Variants in MAGEA11 observed in about 807,000 individuals in gnomAD.
MAGEA11 encodes MAGE family member A11.
MAGEA11 carries 1 observed loss-of-function variant against 8.4 expected under a neutral mutation model. The observed-to-expected ratio is 0.12, with a 90% CI of 0.04 to 0.57. MAGEA11 has a LOEUF of 0.57. Among genes scored for constraint, MAGEA11 ranks in the 20% least tolerant of loss-of-function variants. MAGEA11 has a pLI of 0.91. For synonymous variants in MAGEA11, 127 were observed against 119.3 expected (o/e 1.06, Z -0.42); for missense variants, 209 against 317.3 (o/e 0.66, Z 2.59).
chrX:149,714,368 A>T, intron 2 of MAGEA11, 113 bp from the exon 3 acceptor site: 1 of 1,062,845 alleles, frequency 9.4e-7, no homozygotes, highest in South Asian at 2.5e-5. Flanking sequence ...CCACAGGAGG[A>T]CTTTGGAATC....
rs782755660 is a variant in MAGEA11 at position 149,715,931 on chromosome X, G to T, written c.445G>T (p.Ala149Ser). ...QALQAEEQEA[A>S]FFSSTLNVGT... Reference sequence around the variant, plus strand: ...TCTCCAAGCTGAGGAGCAGGAGGCTGCCTTCTTCTCCTCTACTCTGAATGT... The same window carrying T: ...TCTCCAAGCTGAGGAGCAGGAGGCTTCCTTCTTCTCCTCTACTCTGAATGT... The change falls in exon 5 of 5, where the codon GCC becomes TCC. Residue 149 changes from alanine (A) to serine (S), a missense_variant. Ala to Ser is a moderately conservative substitution (Grantham distance 99). This residue lies in a region of MAGEA11 where 131 missense variants were observed against 138.5 expected (regional missense o/e 0.95). Coordinates refer to ENST00000355220, the MANE Select transcript of MAGEA11 (RefSeq NM_005366.5). The T allele has an allele frequency of 2.5e-6, 3 of 1,211,729 alleles. No homozygotes were observed. Among genetic ancestry groups the T allele is most frequent in the Admixed American group, 2.2e-5 (1 of 46,063 alleles).
intron 1 of MAGEA11, among the ~76,000 whole-genome samples, chrX:149,712,631 A>C (rs1240357664): frequency 2.7e-4 from 30 of 112,154 alleles, no homozygotes; most frequent in African/African-American, 4.8e-4. Flanking sequence ...GATGCTCCCT[A>C]CCCAGATAGA....
intron 1 of MAGEA11, among the ~76,000 whole-genome samples, chrX:149,698,806 C>T (rs2124284614): frequency 9.1e-6 from 1 of 110,476 alleles, no homozygotes; most frequent in African/African-American, 3.3e-5. Context: ...GTATGTTGTT[C>T]CCCTCCCTGT....
chrX:149,696,997 G>A (rs1399704598), intron 1 of MAGEA11, among the ~76,000 whole-genome samples: 1 of 111,576 alleles, frequency 9.0e-6, no homozygotes, highest in East Asian at 2.8e-4. Flanking sequence ...TCACTATCTT[G>A]TTGTCCTCTA....
Position 149,716,784 on chromosome X carries a change from A to G in MAGEA11, c.*8A>G. On this transcript the variant is annotated 3_prime_UTR_variant, in exon 5 of 5. Coordinates refer to ENST00000355220, the MANE Select transcript of MAGEA11 (RefSeq NM_005366.5). ...GAGGGAGAGGGAGTCTGAGCATGAG[A>G]TGCAACCAGGGCCAGCGGGCAGGGA... 1 of 1,182,191 alleles carries G rather than the reference A, an allele frequency of 8.5e-7. No homozygotes were observed. The highest frequency in any genetic ancestry group is 1.1e-6 in the Non-Finnish European group (1 of 879,658).
chrX:149,710,193 T>C (rs1157190259), upstream of MAGEA11, among the ~76,000 whole-genome samples: 1 of 111,689 alleles, frequency 9.0e-6, no homozygotes, highest in Non-Finnish European at 1.9e-5. Context: ...CCATTCACAA[T>C]AGCAACAATA....
At chrX:149,688,750 A>G (rs1405094634), upstream of MAGEA11, 3 of 255,224 alleles carry the variant, frequency 1.2e-5, no homozygotes, top group Admixed American at 5.4e-5. Flanking sequence ...CCTACATTAA[A>G]ATTTCCCCAT....
chrX:149,710,560 C>A (rs1557361827), upstream of MAGEA11, among the ~76,000 whole-genome samples: 1 of 111,527 alleles, frequency 9.0e-6, no homozygotes, highest in Non-Finnish European at 1.9e-5. Flanking sequence ...GTGATCCTCC[C>A]ACCTTAGCCT....
chrX:149,689,533 C>T (rs144097535), intron 1 of MAGEA11, among the ~76,000 whole-genome samples: 1,223 of 112,324 alleles, frequency 0.011, 26 homozygotes, highest in African/African-American at 0.038. Flanking sequence ...GCACTCTAGT[C>T]CCAGAGTCCT....
chrX:149,706,948 G>C (rs944858470), intron 1 of MAGEA11, among the ~76,000 whole-genome samples: 2 of 112,832 alleles, frequency 1.8e-5, no homozygotes, highest in Admixed American at 9.3e-5. Context: ...CTCCTGACAA[G>C]AGAGAGTGTT....
At chrX:149,696,102 C>A (rs781808810) in intron 1 of MAGEA11, among the ~76,000 whole-genome samples, 1 of 111,514 alleles carries the variant, frequency 9.0e-6, no homozygotes, top group African/African-American at 3.3e-5. Context: ...TGGTTCCTAA[C>A]TAGCCCCCAG....
intron 1 of MAGEA11, among the ~76,000 whole-genome samples, chrX:149,699,177 A>G (rs2090341656): frequency 8.9e-6 from 1 of 111,919 alleles, no homozygotes; most frequent in South Asian, 3.7e-4. Flanking sequence ...ATCACAATCT[A>G]CCTTCAAATA....
chrX:149,711,816 A>G (rs2090401603), upstream of MAGEA11: 1 of 751,087 alleles, frequency 1.3e-6, no homozygotes, highest in Non-Finnish European at 1.6e-6. Context: ...TTGGCAGAGG[A>G]CGGAGCTCCA....
In MAGEA11 at chrX:149,688,884, C is replaced by G. The variant is rs781890585; in HGVS notation, c.-92C>G. On this transcript the variant is annotated 5_prime_UTR_variant, in exon 1 of 4. Transcript: ENST00000333104. ...CCAGTGGAGGCTGACAATTTTTTTC[C>G]TGTGTACACTGGACCCCTTTCATAG... 5 of 866,426 alleles carry G rather than the reference C, an allele frequency of 5.8e-6. No individual in the cohort carries two copies. The African/African-American group carries it at 1.0e-4, about 18-fold the overall frequency. 71.4% of individuals were successfully genotyped at this position (866,426 alleles called of 1,213,427 possible).
upstream of MAGEA11, chrX:149,711,669 G>T (rs1174343846): frequency 2.6e-5 from 4 of 154,239 alleles, no homozygotes; most frequent in Admixed American, 3.7e-4. Flanking sequence ...ACATAGAGGG[G>T]CCACAGAATC....
At chrX:149,698,472 T>C (rs1557360747) in intron 1 of MAGEA11, among the ~76,000 whole-genome samples, 1 of 111,870 alleles carries the variant, frequency 8.9e-6, no homozygotes. Context: ...ATCTCAATAA[T>C]GATACATTCT....
chrX:149,696,075 A>T (rs1448712877), intron 1 of MAGEA11, among the ~76,000 whole-genome samples: 2 of 110,963 alleles, frequency 1.8e-5, no homozygotes, highest in South Asian at 3.9e-4. Context: ...CTTAGGGCTG[A>T]GTGGGGCCTG....
rs782529152 is a variant in MAGEA11, at chrX:149,716,807, G to T, written c.*31G>T. 3 of 1,152,898 alleles carry T rather than the reference G, an allele frequency of 2.6e-6. No individual in the cohort carries two copies. The East Asian group carries it at 9.0e-5, about 35-fold the overall frequency. On this transcript the variant is annotated 3_prime_UTR_variant, in exon 5 of 5. Coordinates refer to ENST00000355220, the MANE Select transcript of MAGEA11 (RefSeq NM_005366.5). ...AGATGCAACCAGGGCCAGCGGGCAG[G>T]GAAATGGGCCAATGCATGCTTCAGG... is the stretch of plus-strand genomic sequence containing the variant.
In MAGEA11 at chrX:149,716,080, C is replaced by A. The variant is rs782118482; in HGVS notation, c.594C>A (p.Gly198=). Residue 198 remains glycine (G), a synonymous_variant, in exon 5 of 5, where the codon GGC becomes GGA. Transcript: ENST00000355220. ...IFGSLSDEGS[G]SQEKEGPSTS... The stretch of plus-strand genomic sequence containing the variant: ...GGAGCCTATCTGATGAGGGCTCTGG[C>A]AGCCAAGAAAAGGAGGGGCCAAGTA... 8.3e-7 allele frequency: 1 copy of A among 1,211,932 alleles called. No homozygotes were observed. The highest frequency in any genetic ancestry group is 2.2e-5 in the Admixed American group (1 of 46,078).
Sources: allele counts gnomAD v4.1 joint callset (sites outside exome capture counted in the v4.1 genomes callset), GRCh38; gene constraint gnomAD v4.1.1; regional missense constraint gnomAD v4.1.1; transcripts MANE v1.5; gene names NCBI Gene and HGNC (gene_info 2026-07-23, HGNC 2026-07-21).